RABGEF1: variants seen among roughly 807,000 people sequenced by gnomAD.
RABGEF1 encodes rab5 GDP/GTP exchange factor.
RABGEF1 carries 26 observed loss-of-function variants against 57.3 expected under a neutral mutation model. The observed-to-expected ratio is 0.45, with a 90% CI of 0.33 to 0.63. The LOEUF is 0.63. RABGEF1 is among the 20% of genes least tolerant of loss of function. The pLI is 0.02. For synonymous variants in RABGEF1, 185 were observed against 210.7 expected (o/e 0.88, Z 1.06); for missense variants, 464 against 607.6 (o/e 0.76, Z 2.48).
At chr7:66,773,395 G>A (rs150357152) in intron 2 of RABGEF1, among the ~76,000 whole-genome samples, 319 of 152,254 alleles carry the variant, frequency 2.1e-3, no homozygotes, top group African/African-American at 6.9e-3. Flanking sequence ...CAGAGAAAGA[G>A]GGGTCCCGAT....
At chr7:66,774,916 T>A (rs144796977) in intron 2 of RABGEF1, among the ~76,000 whole-genome samples, 1 of 152,234 alleles carries the variant, frequency 6.6e-6, no homozygotes, top group Admixed American at 6.5e-5. Context: ...GCTGTCCCAT[T>A]CTGTAGCAGT....
the RABGEF1 span, among the ~76,000 whole-genome samples, chr7:66,657,703 C>T: frequency 6.6e-6 from 1 of 152,156 alleles, no homozygotes; most frequent in Non-Finnish European, 1.5e-5. Flanking sequence ...GGCCTGTAAT[C>T]CCAGCTACTT....
At chr7:66,763,844 AT>A (rs1239504783) in intron 1 of RABGEF1, among the ~76,000 whole-genome samples, 25 of 152,194 alleles carry the variant, frequency 1.6e-4, no homozygotes, top group Admixed American at 1.6e-3. Context: ...GTAATATTCC[AT>A]TTTATGGATA....
At chr7:66,741,577 C>T (rs1387925914) in intron 1 of RABGEF1, among the ~76,000 whole-genome samples, 3 of 152,090 alleles carry the variant, frequency 2.0e-5, no homozygotes, top group East Asian at 1.9e-4. Flanking sequence ...CCCGTGGGCT[C>T]GTTTTGCCTT....
At chr7:66,679,726 G>C (rs931070146), upstream of RABGEF1, among the ~76,000 whole-genome samples, 6 of 152,112 alleles carry the variant, frequency 3.9e-5, no homozygotes, top group Middle Eastern at 3.2e-3. Flanking sequence ...CTTCTGCTCA[G>C]CTTATTGAAC....
intron 1 of RABGEF1, among the ~76,000 whole-genome samples, chr7:66,696,477 G>A (rs1342948698): frequency 1.3e-5 from 2 of 152,006 alleles, no homozygotes; most frequent in Non-Finnish European, 2.9e-5. Flanking sequence ...ATCACTCGAG[G>A]TCAGGAGTTT....
chr7:66,727,350 A>G (rs535074105), intron 2 of RABGEF1, among the ~76,000 whole-genome samples: 18 of 152,338 alleles, frequency 1.2e-4, no homozygotes, highest in East Asian at 1.2e-3. Context: ...CTCAGGGCCT[A>G]GGGCTTCCTC....
the RABGEF1 span, among the ~76,000 whole-genome samples, chr7:66,663,358 A>G: frequency 2.0e-5 from 3 of 152,078 alleles, no homozygotes; most frequent in South Asian, 6.2e-4. Flanking sequence ...TTTAATTCCT[A>G]TAGTGCCGCT....
chr7:66,727,759 G>A (rs771367819), intron 2 of RABGEF1, among the ~76,000 whole-genome samples: 44 of 152,236 alleles, frequency 2.9e-4, no homozygotes, highest in Non-Finnish European at 4.7e-4. Context: ...CAGGCTGCCC[G>A]TGGATAATGG....
intron 1 of RABGEF1, among the ~76,000 whole-genome samples, chr7:66,755,276 A>G (rs770810505): frequency 6.7e-5 from 10 of 149,514 alleles, no homozygotes; most frequent in Admixed American, 2.7e-4. Flanking sequence ...CCTGGGCAAC[A>G]GAGTGAGACT....
chr7:66,807,179 G>A (rs1221836714), intron 8 of RABGEF1, among the ~76,000 whole-genome samples: 1 of 152,136 alleles, frequency 6.6e-6, no homozygotes, highest in African/African-American at 2.4e-5. Context: ...TAGTGCCCTT[G>A]GCCTGCAGCC....
At chr7:66,801,817 T>G (rs923513711) in intron 7 of RABGEF1, among the ~76,000 whole-genome samples, 2 of 152,258 alleles carry the variant, frequency 1.3e-5, no homozygotes, top group Admixed American at 6.5e-5. Context: ...GCATGACTTC[T>G]GTGTGGCTAT....
the RABGEF1 span, among the ~76,000 whole-genome samples, chr7:66,661,003 A>G: frequency 6.6e-6 from 1 of 152,114 alleles, no homozygotes; most frequent in East Asian, 1.9e-4. Context: ...AGGCAGGTGG[A>G]TCACTTGAGC....
At chr7:66,662,718 CGT>C in the RABGEF1 span, among the ~76,000 whole-genome samples, 5 of 152,098 alleles carry the variant, frequency 3.3e-5, no homozygotes, top group Non-Finnish European at 7.4e-5. Flanking sequence ...AGTGTGTAGG[CGT>C]GTGTGTGCAG....
Position 66,809,130 on chromosome 7 carries a change from G to C in RABGEF1, c.1322G>C (p.Trp441Ser). The C allele has an allele frequency of 6.2e-7, 1 of 1,614,182 alleles. No homozygotes were observed. Among genetic ancestry groups the C allele is most frequent in the Non-Finnish European group, 8.5e-7 (1 of 1,180,034 alleles). Residue 441 changes from tryptophan to serine, a missense_variant, in exon 9 of 9, where the codon TGG (tryptophan) becomes TCG (serine). Physicochemically the swap from Trp to Ser is radical, Grantham distance 177 (BLOSUM62 -3). This residue lies in a region of RABGEF1 where 151 missense variants were observed against 152.2 expected (regional missense o/e 0.99). Coordinates refer to ENST00000284957, the MANE Select transcript of RABGEF1 (RefSeq NM_014504.3). ...AKKLEKDLID[W>S]TDGIAREVQD... Reference sequence around the variant, plus strand: ...AAACTGGAAAAAGACCTCATAGATTGGACAGATGGAATTGCAAGAGAAGTT... The same window carrying C: ...AAACTGGAAAAAGACCTCATAGATTCGACAGATGGAATTGCAAGAGAAGTT...
At chr7:66,760,967 C>T (rs923805581) in intron 1 of RABGEF1, among the ~76,000 whole-genome samples, 6 of 152,110 alleles carry the variant, frequency 3.9e-5, no homozygotes, top group Non-Finnish European at 7.4e-5. Flanking sequence ...GCGTTTAGTA[C>T]GTATCATTGC....
intron 1 of RABGEF1, among the ~76,000 whole-genome samples, chr7:66,748,680 T>G (rs906428500): frequency 6.6e-6 from 1 of 152,224 alleles, no homozygotes; most frequent in African/African-American, 2.4e-5. Context: ...AGTAAGAATT[T>G]CCTTTTCCAT....
intron 1 of RABGEF1, among the ~76,000 whole-genome samples, chr7:66,700,351 G>A (rs1793051907): frequency 6.6e-6 from 1 of 152,188 alleles, no homozygotes; most frequent in South Asian, 2.1e-4. Context: ...GCCTGTGTAG[G>A]GTTGCGTTCC....
At chr7:66,757,043 G>T (rs1478262128) in intron 1 of RABGEF1, among the ~76,000 whole-genome samples, 1 of 152,100 alleles carries the variant, frequency 6.6e-6, no homozygotes, top group Non-Finnish European at 1.5e-5. Flanking sequence ...GTTTATTTTT[G>T]CTGACATTCA....
Sources: allele counts gnomAD v4.1 joint callset (sites outside exome capture counted in the v4.1 genomes callset), GRCh38; gene constraint gnomAD v4.1.1; regional missense constraint gnomAD v4.1.1; transcripts MANE v1.5; gene names NCBI Gene and HGNC (gene_info 2026-07-23, HGNC 2026-07-21).